Variants in HMCN2 observed in about 807,000 individuals in gnomAD.
HMCN2 encodes hemicentin 2.
Under a neutral mutation model 377.5 loss-of-function variants are expected in HMCN2, and 325 were observed. The observed-to-expected ratio is 0.86, with a 90% CI of 0.79 to 0.94. HMCN2 has a LOEUF of 0.94. HMCN2 is among the 40% of genes least tolerant of loss of function. The pLI, the probability that HMCN2 is intolerant of heterozygous loss-of-function variation, is 0.00. For synonymous variants in HMCN2, 2,007 were observed against 2,046.8 expected, an observed-to-expected ratio of 0.98 and a Z score of 0.53; for missense variants, 4,543 against 4,725.3, an observed-to-expected ratio of 0.96 and a Z score of 1.13.
At chr9:130,273,322 A>T (rs569340298) in intron 1 of HMCN2, among the ~76,000 whole-genome samples, 1 of 152,012 alleles carries the variant, frequency 6.6e-6, no homozygotes, top group Admixed American at 6.6e-5. Flanking sequence ...ACTACTTCTA[A>T]TTTTTTGTTA....
Position 130,425,081 on chromosome 9 carries a change from T to C in HMCN2, c.13592T>C (p.Val4531Ala), listed in dbSNP as rs528690935. The C allele has an allele frequency of 2.0e-5, 31 of 1,550,032 alleles. No homozygotes were observed. The South Asian group carries it at 3.6e-4, about 18-fold the overall frequency. ...PDGLLLLDVV[V>A]NGVVPESLAD... ...GGCCTCCTGCTCCTCGACGTGGTGGTCAATGGCGTTGTCCCCGAGAGCCTG... is the reference window on the plus strand; with the variant it reads ...GGCCTCCTGCTCCTCGACGTGGTGGCCAATGGCGTTGTCCCCGAGAGCCTG... The change falls in exon 89 of 98, where the codon GTC becomes GCC. Residue 4531 changes from valine (V) to alanine (A), a missense_variant. Coordinates refer to ENST00000683500, the MANE Select transcript of HMCN2 (RefSeq NM_001291815.2).
chr9:130,311,979 G>A (rs1469491607), intron 15 of HMCN2, among the ~76,000 whole-genome samples: 4 of 152,170 alleles, frequency 2.6e-5, no homozygotes, highest in African/African-American at 9.7e-5. Flanking sequence ...ACGAGCCGGC[G>A]CTTCTAGGGT....
At chr9:130,342,841 G>A (rs2131483738) in intron 25 of HMCN2, among the ~76,000 whole-genome samples, 1 of 152,300 alleles carries the variant, frequency 6.6e-6, no homozygotes, top group South Asian at 2.1e-4. Flanking sequence ...TCCCACAGAG[G>A]ATGGATTCAG....
At chr9:130,296,587 G>C in intron 6 of HMCN2, 87 bp from the exon 7 acceptor site, 1 of 431,874 alleles carries the variant, frequency 2.3e-6, no homozygotes, top group Non-Finnish European at 4.8e-6. Context: ...TGCTGATGCA[G>C]GGCTGGGTCA....
At chr9:130,300,184 C>T (rs1554933882) in intron 8 of HMCN2, among the ~76,000 whole-genome samples, 1 of 151,956 alleles carries the variant, frequency 6.6e-6, no homozygotes, top group African/African-American at 2.4e-5. Flanking sequence ...TTCATTCATC[C>T]ACTCACCCAT....
At chr9:130,430,729 G>A in intron 95 of HMCN2, 125 bp downstream of exon 95, 1 of 893,846 alleles carries the variant, frequency 1.1e-6, no homozygotes, top group Non-Finnish European at 1.7e-6. Flanking sequence ...TGGGGTGAGT[G>A]GTGTGGTGGA....
At chr9:130,392,529 C>A (rs1376674704) in intron 66 of HMCN2, among the ~76,000 whole-genome samples, 1 of 152,112 alleles carries the variant, frequency 6.6e-6, no homozygotes, top group African/African-American at 2.4e-5. Flanking sequence ...CCAGTGAGCT[C>A]TGAGGGCAAA....
intron 4 of HMCN2, among the ~76,000 whole-genome samples, chr9:130,288,578 G>A (rs1450378839): frequency 2.0e-5 from 3 of 152,214 alleles, no homozygotes; most frequent in Non-Finnish European, 2.9e-5. Flanking sequence ...AGTTGCAAAA[G>A]GCTCCAAACT....
At position 130,308,412 on chromosome 9, in the gene HMCN2, C is replaced by T. The variant is rs1837017678; in HGVS notation, c.2200+846C>T. 6.6e-6 allele frequency among the ~76,000 whole-genome samples: 1 copy of T among 152,238 alleles called. No homozygotes were observed. Among genetic ancestry groups the T allele is most frequent in the Non-Finnish European group, 1.5e-5 (1 of 68,008 alleles). On this transcript the variant is annotated intron_variant, in intron 14 of 97. Transcript: ENST00000683500. The surrounding 1 kb of genome is among the most constrained non-coding windows in gnomAD (Gnocchi z 4.1). The stretch of plus-strand genomic sequence containing the variant: ...TCATGGGCAGAGCGTTTTCACGGTG[C>T]CTGCTGCCAGGCTGGAGTTTGACGG...
At chr9:130,426,492 G>A (rs1844375765) in intron 90 of HMCN2, among the ~76,000 whole-genome samples, 1 of 152,242 alleles carries the variant, frequency 6.6e-6, no homozygotes, top group South Asian at 2.1e-4. Context: ...TGGGGGCAAT[G>A]TCCTGGTCCT....
rs2131836960 is a variant in HMCN2 at position 130,430,602 on chromosome 9, C to G, written c.14645C>G (p.Thr4882Arg). The G allele has an allele frequency of 1.3e-6, 2 of 1,546,756 alleles. No homozygotes were observed. Among genetic ancestry groups the G allele is most frequent in the South Asian group, 2.4e-5 (2 of 83,720 alleles). Residue 4882 changes from threonine (T) to arginine (R), a missense_variant and splice_region_variant, in exon 95 of 98, where the codon ACA becomes AGA. Thr to Arg is a moderately conservative substitution (Grantham distance 71). Around this residue, in one of 5 missense-constraint regions of HMCN2, gnomAD observed 1,155 missense variants for 1,157.7 expected, o/e 1.00. Transcript: ENST00000683500. ...PGFIRQNGVCTDLDECRVRNL... is the reference protein window; with the variant it reads ...PGFIRQNGVCRDLDECRVRNL... ...TTCATCAGGCAGAACGGAGTCTGCA[C>G]AGGTAAGGCCAGGCCCTGACCATCC... is the stretch of plus-strand genomic sequence containing the variant.
Position 130,428,905 on chromosome 9 carries a change from T to G in HMCN2, c.14197+416T>G, listed in dbSNP as rs1160311461. Among the ~76,000 whole-genome samples, 1 of 152,200 alleles carries G rather than the reference T, an allele frequency of 6.6e-6. No individual in the cohort carries two copies. Among genetic ancestry groups the G allele is most frequent in the East Asian group, 1.9e-4 (1 of 5,200 alleles). On this transcript the variant is annotated intron_variant, in intron 93 of 97. Coordinates refer to ENST00000683500, the MANE Select transcript of HMCN2 (RefSeq NM_001291815.2). The surrounding 1 kb of genome is among the most constrained non-coding windows in gnomAD (Gnocchi z 5.0). ...CACAGTGGAACAGGTTCAGTCAGCC[T>G]TTGAGATAAAACTTAGGTGCCACCC...
At chr9:130,364,621 C>T in intron 40 of HMCN2, 93 bp from the exon 41 acceptor site, 1 of 622,892 alleles carries the variant, frequency 1.6e-6, no homozygotes. Context: ...CTCCTGGCTG[C>T]TGCGAGTAGC....
chr9:130,354,058 A>G (rs1839888180), intron 31 of HMCN2, among the ~76,000 whole-genome samples: 1 of 152,150 alleles, frequency 6.6e-6, no homozygotes, highest in Admixed American at 6.5e-5. Flanking sequence ...TTGGGACCCG[A>G]GGTCCCCCAG....
In HMCN2 at chr9:130,351,078, T is replaced by C. The variant is rs1839688321; in HGVS notation, c.4431-345T>C. ...CCTGGCAACCACAAGCCTGCTTTCC[T>C]TCTCTATGGACGTGCCTGTTCTGGG... is the stretch of plus-strand genomic sequence containing the variant. On this transcript the variant is annotated intron_variant, in intron 29 of 97. Transcript: ENST00000683500. The surrounding 1 kb of genome is among the most constrained non-coding windows in gnomAD (Gnocchi z 5.4). Among the ~76,000 whole-genome samples the C allele has an allele frequency of 6.6e-6, 1 of 152,214 alleles. No homozygotes were observed. The highest frequency in any genetic ancestry group is 2.4e-5 in the African/African-American group (1 of 41,466).
chr9:130,384,391 G>A lies in HMCN2; in HGVS notation c.8849G>A (p.Gly2950Asp), dbSNP rs938716356. Reference protein sequence around the residue: ...LRVQVPPRIAGLDLEQVTAIL... With the variant: ...LRVQVPPRIADLDLEQVTAIL... ...GGGATAGTCCCGCCACGAATCGCAG[G>A]CCTGGACTTGGAGCAGGTCACTGCC... The change falls in exon 58 of 98, where the codon GGC (glycine) becomes GAC (aspartate). Residue 2950 changes from glycine to aspartate, a missense_variant. Physicochemically the swap from Gly to Asp is moderately conservative, Grantham distance 94. This residue lies in a region of HMCN2 where 736 missense variants were observed against 773.2 expected (regional missense o/e 0.95). Transcript: ENST00000683500. The A allele has an allele frequency of 6.1e-6, 8 of 1,301,346 alleles. No homozygotes were observed. The African/African-American group carries it at 1.1e-4, about 17-fold the overall frequency. 80.6% of individuals were successfully genotyped at this position (1,301,346 alleles called of 1,614,324 possible). A position where few individuals can be genotyped will look rare whatever the true frequency, so the allele number is the denominator to read the frequency against.
In HMCN2 at chr9:130,399,496, G is replaced by C; in HGVS notation, c.11484-15G>C. On this transcript the variant is annotated splice_polypyrimidine_tract_variant and intron_variant, in intron 75 of 97. Transcript: ENST00000683500. ...CAGCCCAGCAGCCACTTGGCCGTCTGTCTGTCCACCCCAGGCTCCTGCCCT... is the reference window on the plus strand; with the variant it reads ...CAGCCCAGCAGCCACTTGGCCGTCTCTCTGTCCACCCCAGGCTCCTGCCCT... 7.9e-7 allele frequency: 1 copy of C among 1,269,794 alleles called. No individual in the cohort carries two copies. Among genetic ancestry groups the C allele is most frequent in the Non-Finnish European group, 1.0e-6 (1 of 974,774 alleles). 78.7% of individuals were successfully genotyped at this position (1,269,794 alleles called of 1,614,324 possible). A position where few individuals can be genotyped will look rare whatever the true frequency, so the allele number is the denominator to read the frequency against.
chr9:130,431,271 G>A (rs1221184868), intron 95 of HMCN2, 96 bp from the exon 96 acceptor site: 1 of 1,266,800 alleles, frequency 7.9e-7, no homozygotes, highest in Non-Finnish European at 1.1e-6. Context: ...CAGCTCCAGA[G>A]CCCAGCGGGC....
intron 82 of HMCN2, 73 bp from the exon 83 acceptor site, chr9:130,407,498 G>A (rs1318086605): frequency 7.3e-6 from 9 of 1,229,186 alleles, no homozygotes; most frequent in Middle Eastern, 4.5e-4. Context: ...TTAAGTTCCT[G>A]CAGGTACCCA....
Sources: gnomAD v4.1 joint callset for allele counts (sites outside exome capture counted in the v4.1 genomes callset) on GRCh38, gnomAD v4.1.1 for gene constraint, gnomAD v4.1.1 regional missense constraint, Gnocchi (gnomAD v3.1) non-coding constraint, MANE v1.5 for transcripts, NCBI Gene and HGNC (gene_info 2026-07-23, HGNC 2026-07-21) for gene names.